SNX29: variants seen among roughly 807,000 people sequenced by gnomAD.
The protein encoded by SNX29 is sorting nexin 29, also known as sorting nexin-29.
SNX29 carries 78 observed loss-of-function variants against 102.1 expected under a neutral mutation model. That is an observed-to-expected ratio of 0.76 (90% CI 0.64 to 0.92). The LOEUF is 0.92. Ranked by LOEUF, SNX29 falls within the 40% of genes least tolerant of loss-of-function variation. The pLI is 0.00. For missense variants in SNX29, 1,280 were observed against 1,061.7 expected, an observed-to-expected ratio of 1.21 and a Z score of -2.86; for synonymous variants, 580 against 414.5, an observed-to-expected ratio of 1.40 and a Z score of -4.85.
chr16:12,468,054 G>C (rs951598592), intron 18 of SNX29, among the ~76,000 whole-genome samples: 1 of 151,756 alleles, frequency 6.6e-6, no homozygotes, highest in African/African-American at 2.4e-5. Context: ...CCCTGCCCCA[G>C]CTGCCCCAGC....
chr16:12,118,747 TTTC>T (rs2053848631), intron 11 of SNX29, among the ~76,000 whole-genome samples: 1 of 152,158 alleles, frequency 6.6e-6, no homozygotes, highest in Non-Finnish European at 1.5e-5. Flanking sequence ...AGTGCTGTGT[TTTC>T]TAGCCTTCTG....
At position 12,439,987 on chromosome 16, in the gene SNX29, G is replaced by A. The variant is rs2085727721; in HGVS notation, c.2037+36458G>A. Among the ~76,000 whole-genome samples, 3 of 152,300 alleles carry A rather than the reference G, an allele frequency of 2.0e-5. No individual in the cohort carries two copies. In the South Asian group the frequency reaches 6.2e-4, roughly 32 times the overall value. On this transcript the variant is annotated intron_variant, in intron 18 of 20. Coordinates refer to ENST00000566228, the MANE Select transcript of SNX29 (RefSeq NM_032167.5). Reference sequence around the variant, plus strand: ...TGGGTGCAGGGGACGTGGGGATGCAGCCCAACTCTGCCTCCTGGAATTGCG... The same window carrying A: ...TGGGTGCAGGGGACGTGGGGATGCAACCCAACTCTGCCTCCTGGAATTGCG...
intron 11 of SNX29, among the ~76,000 whole-genome samples, chr16:12,111,801 C>G (rs1298414538): frequency 6.6e-6 from 1 of 152,098 alleles, no homozygotes; most frequent in African/African-American, 2.4e-5. Context: ...TGGGGTAAAG[C>G]AAAATCATGG....
At chr16:12,482,869 G>T (rs189353524) in intron 19 of SNX29, among the ~76,000 whole-genome samples, 1 of 152,096 alleles carries the variant, frequency 6.6e-6, no homozygotes, top group South Asian at 2.1e-4. Flanking sequence ...TTAGCATGTT[G>T]TATAGTGTGT....
chr16:12,402,943 C>T (rs1032230508), intron 17 of SNX29, among the ~76,000 whole-genome samples: 2 of 152,134 alleles, frequency 1.3e-5, no homozygotes, highest in Admixed American at 6.5e-5. Flanking sequence ...CTCCTGAGCT[C>T]GTTTGTGGAG....
At chr16:12,407,431 T>C (rs1243527014) in intron 18 of SNX29, among the ~76,000 whole-genome samples, 2 of 152,186 alleles carry the variant, frequency 1.3e-5, no homozygotes, top group Non-Finnish European at 2.9e-5. Flanking sequence ...CTTTAAAATA[T>C]ATTTTAGGTA....
chr16:12,363,452 A>G (rs1254909513), intron 16 of SNX29, among the ~76,000 whole-genome samples: 2 of 152,212 alleles, frequency 1.3e-5, no homozygotes, highest in East Asian at 3.9e-4. Context: ...AGGACTGTCT[A>G]CTTTAGGTGG....
intron 18 of SNX29, among the ~76,000 whole-genome samples, chr16:12,457,772 A>T (rs1008436573): frequency 2.6e-5 from 4 of 152,204 alleles, no homozygotes; most frequent in African/African-American, 9.7e-5. Flanking sequence ...ATTTTAAAAC[A>T]AAATTGAATG....
At chr16:12,552,033 G>A (rs959625938) in intron 20 of SNX29, among the ~76,000 whole-genome samples, 4 of 152,082 alleles carry the variant, frequency 2.6e-5, no homozygotes, top group Admixed American at 1.3e-4. Flanking sequence ...GCAAGTCCAG[G>A]CTCAGATGGG....
At chr16:12,359,892 C>A (rs544652376) in intron 16 of SNX29, among the ~76,000 whole-genome samples, 7 of 152,302 alleles carry the variant, frequency 4.6e-5, no homozygotes, top group Admixed American at 3.9e-4. Flanking sequence ...GGTGCGATCT[C>A]AGCTCAATGC....
Position 12,571,978 on chromosome 16 carries a change from C to T in SNX29, c.*3349C>T, listed in dbSNP as rs181558975. 3 of 1,061,824 alleles carry T rather than the reference C, an allele frequency of 2.8e-6. No homozygotes were observed. Among genetic ancestry groups the T allele is most frequent in the East Asian group, 5.1e-5 (1 of 19,696 alleles). 65.8% of individuals were successfully genotyped at this position (1,061,824 alleles called of 1,614,324 possible). A position where few individuals can be genotyped will look rare whatever the true frequency, so the allele number is the denominator to read the frequency against. On this transcript the variant is annotated 3_prime_UTR_variant, in exon 21 of 21. Transcript: ENST00000566228. ...TCTTACAGTCTATGGTGGTAGCCAT[C>T]TTCACATCCAGTCACCAGTTGCATC...
At chr16:12,434,180 C>T (rs1286705768) in intron 18 of SNX29, among the ~76,000 whole-genome samples, 1 of 152,202 alleles carries the variant, frequency 6.6e-6, no homozygotes, top group Non-Finnish European at 1.5e-5. Context: ...CTTAATTGAC[C>T]TTTCTGGGCC....
rs150410183 is a variant in SNX29, at chr16:12,539,411, C to T, written c.2318+14570C>T. ...TCAGCATGTGTGAGAACCGTCAAGT[C>T]GTTGGGTGAGTCAGCAGTGTTTTTA... On this transcript the variant is annotated intron_variant, in intron 20 of 20. Coordinates refer to ENST00000566228, the MANE Select transcript of SNX29 (RefSeq NM_032167.5). Among the ~76,000 whole-genome samples the T allele has an allele frequency of 3.2e-3, 483 of 152,196 alleles. 2 individuals are homozygous for T. The highest frequency in any genetic ancestry group is 0.011 in the African/African-American group (441 of 41,496).
At chr16:12,497,748 C>G (rs1481542067) in intron 19 of SNX29, among the ~76,000 whole-genome samples, 1 of 152,208 alleles carries the variant, frequency 6.6e-6, no homozygotes. Context: ...GATCAGCTGC[C>G]TCAAGGCTTC....
chr16:12,211,521 A>G (rs1217695964), intron 14 of SNX29, among the ~76,000 whole-genome samples: 3 of 152,098 alleles, frequency 2.0e-5, no homozygotes, highest in Non-Finnish European at 4.4e-5. Flanking sequence ...AGCTCACTGT[A>G]TTAGTCAGGG....
At chr16:12,382,209 C>G (rs988841439) in intron 16 of SNX29, among the ~76,000 whole-genome samples, 10 of 152,128 alleles carry the variant, frequency 6.6e-5, no homozygotes, top group African/African-American at 2.2e-4. Flanking sequence ...ACTCAATTTT[C>G]ATTACTCCAC....
intron 6 of SNX29, among the ~76,000 whole-genome samples, chr16:12,047,927 G>A (rs1316219657): frequency 6.6e-6 from 1 of 152,116 alleles, no homozygotes. Flanking sequence ...AAAGTGCCGG[G>A]ATTACAGGTG....
At chr16:12,394,531 G>T (rs1239876910) in intron 16 of SNX29, among the ~76,000 whole-genome samples, 6 of 152,162 alleles carry the variant, frequency 3.9e-5, no homozygotes, top group Non-Finnish European at 8.8e-5. Flanking sequence ...TCATGATTCT[G>T]TGGGCCGACT....
intron 15 of SNX29, chr16:12,297,107 C>G (rs2080007949): frequency 6.6e-6 from 1 of 152,308 alleles, no homozygotes; most frequent in Admixed American, 6.5e-5. Context: ...CTTTTTTCCC[C>G]CCGCTGCAGA....
Sources: gnomAD v4.1 joint callset for allele counts (sites outside exome capture counted in the v4.1 genomes callset) on GRCh38, gnomAD v4.1.1 for gene constraint, MANE v1.5 for transcripts, NCBI Gene and HGNC (gene_info 2026-07-23, HGNC 2026-07-21) for gene names.